Variants in SRI observed in about 807,000 individuals in gnomAD.
SRI encodes 22 kDa protein.
A neutral mutation model predicts 33.3 loss-of-function variants in SRI; 30 were observed. That is an observed-to-expected ratio of 0.90 (90% CI 0.67 to 1.22). The LOEUF is 1.22. Among genes scored for constraint, SRI ranks in the 50% most tolerant of loss-of-function variants. The pLI is 0.00. For synonymous variants in SRI, 75 were observed against 89.9 expected (o/e 0.83, Z 0.94); for missense variants, 243 against 250.8 (o/e 0.97, Z 0.21).
chr7:88,210,403 G>T (rs1443600123), intron 4 of SRI: 1 of 465,256 alleles, frequency 2.1e-6, no homozygotes, highest in Non-Finnish European at 3.9e-6. Context: ...AAGCGGTCTT[G>T]TTACTGGAAC....
At chr7:88,221,174 G>T (rs1441634320), upstream of SRI, among the ~76,000 whole-genome samples, 1 of 152,180 alleles carries the variant, frequency 6.6e-6, no homozygotes, top group East Asian at 1.9e-4. Context: ...CCGCCAATGT[G>T]GTACTGTGCT....
At chr7:88,208,394 T>G (rs1327647544) in intron 7 of SRI, 113 bp downstream of exon 7, 38 of 1,467,894 alleles carry the variant, frequency 2.6e-5, no homozygotes, top group Admixed American at 5.0e-5. Context: ...TTTGAATCCC[T>G]TATGTCTCTG....
At chr7:88,225,119 T>G (rs1463235950) in intron 1 of SRI, among the ~76,000 whole-genome samples, 3 of 152,182 alleles carry the variant, frequency 2.0e-5, no homozygotes, top group Non-Finnish European at 2.9e-5. Context: ...AGTCATCAGC[T>G]CTGTGACAAA....
In SRI at chr7:88,209,411, G is replaced by A. The variant is rs1422720493; in HGVS notation, c.439C>T (p.Arg147Ter). 33 of 1,613,878 alleles carry A rather than the reference G, an allele frequency of 2.0e-5. No individual in the cohort carries two copies. The highest frequency in any genetic ancestry group is 6.7e-5 in the East Asian group (3 of 44,888). ...GTGATCTTTCCATTGGTGCTGTATCGTTTTGCAATTGAATTCACAGCCTGG... is the reference window on the plus strand; with the variant it reads ...GTGATCTTTCCATTGGTGCTGTATCATTTTGCAATTGAATTCACAGCCTGG... ...SPQAVNSIAK[R>*]YSTNGKITFD... The change falls in exon 6 of 8, where the codon CGA becomes TGA. Residue 147 changes from arginine (R) to a stop codon, truncating the protein, a stop_gained. Transcript: ENST00000265729. LOFTEE classifies it high-confidence loss of function.
chr7:88,218,725 AAC>A lies in SRI; in HGVS notation c.135+132_135+133del, dbSNP rs1379151064. 1.0e-5 allele frequency: 8 copies of A among 762,754 alleles called. No homozygotes were observed. In the African/African-American group the frequency reaches 1.4e-4, roughly 14 times the overall value. The allele number at this position is 762,754 out of a possible 1,614,324, so 47.2% of individuals were successfully genotyped here. A position where few individuals can be genotyped will look rare whatever the true frequency, so the allele number is the denominator to read the frequency against. ...TCAGAAATAAAAAACTAAAATAAGA[AAC>A]AACTTTTTTTTTCTTTTGCAGAAGC... On this transcript the variant is annotated intron_variant, in intron 2 of 7. Transcript: ENST00000265729.
chr7:88,218,619 C>A, intron 2 of SRI: 1 of 465,594 alleles, frequency 2.1e-6, no homozygotes, highest in Non-Finnish European at 3.9e-6. Context: ...ATCCTGGACC[C>A]TTTAATTCAA....
chr7:88,222,675 A>G (rs966632704), upstream of SRI, among the ~76,000 whole-genome samples: 76 of 152,258 alleles, frequency 5.0e-4, no homozygotes, highest in African/African-American at 1.4e-3. Flanking sequence ...GAACAGAACA[A>G]AGCCCTCAGA....
intron 1 of SRI, among the ~76,000 whole-genome samples, chr7:88,225,807 T>C (rs1851980942): frequency 6.6e-6 from 1 of 152,308 alleles, no homozygotes; most frequent in Admixed American, 6.5e-5. Flanking sequence ...TTTAAAGCAA[T>C]TGTCTAAAAT....
At chr7:88,215,979 G>C (rs1851701170) in intron 3 of SRI, among the ~76,000 whole-genome samples, 1 of 152,162 alleles carries the variant, frequency 6.6e-6, no homozygotes, top group Non-Finnish European at 1.5e-5. Context: ...CCCCAGTTGG[G>C]ATGCAGCAAT....
chr7:88,210,535 G>A, intron 4 of SRI: 1 of 386,040 alleles, frequency 2.6e-6, no homozygotes, highest in Non-Finnish European at 4.9e-6. Flanking sequence ...GGAATGCACT[G>A]GATAGTCAGC....
intron 7 of SRI, among the ~76,000 whole-genome samples, chr7:88,207,146 C>T (rs1851453994): frequency 6.6e-6 from 1 of 152,180 alleles, no homozygotes. Context: ...ACCCTTGCAG[C>T]TCTATTGCAA....
intron 5 of SRI, among the ~76,000 whole-genome samples, chr7:88,209,706 C>G (rs1335170354): frequency 6.6e-6 from 1 of 150,858 alleles, no homozygotes; most frequent in Non-Finnish European, 1.5e-5. Flanking sequence ...CCTCTGCCTC[C>G]TGTGTTCAAG....
intron 1 of SRI, among the ~76,000 whole-genome samples, chr7:88,226,094 C>A (rs1191004013): frequency 6.6e-6 from 1 of 152,146 alleles, no homozygotes; most frequent in Non-Finnish European, 1.5e-5. Context: ...GGTAGAAAAT[C>A]ACCTGTGTTC....
At chr7:88,206,549 T>A (rs768972220) in intron 7 of SRI, 45 bp from the exon 8 acceptor site, 25 of 1,610,322 alleles carry the variant, frequency 1.6e-5, no homozygotes, top group Non-Finnish European at 2.1e-5. Context: ...AAAGCACTTA[T>A]ACGGCACAGC....
At chr7:88,207,063 C>G (rs1851452383) in intron 7 of SRI, among the ~76,000 whole-genome samples, 2 of 152,096 alleles carry the variant, frequency 1.3e-5, no homozygotes, top group African/African-American at 2.4e-5. Flanking sequence ...ATGTTGGCTT[C>G]CCCGCTAAAC....
chr7:88,217,169 T>G lies in SRI; in HGVS notation c.158A>C (p.Glu53Ala). 6.2e-7 allele frequency: 1 copy of G among 1,612,940 alleles called. No individual in the cohort carries two copies. The highest frequency in any genetic ancestry group is 8.5e-7 in the Non-Finnish European group (1 of 1,179,996). ...AGACTGTGTCAGACATCTCTGCAAT[T>G]CATCAGCATCTATCTGCCCATCCTT... ...AGQDGQIDAD[E>A]LQRCLTQSGI... The change falls in exon 3 of 8, where the codon GAA becomes GCA. Residue 53 changes from glutamate to alanine, a missense_variant. Physicochemically the swap from Glu to Ala is moderately radical, Grantham distance 107. Coordinates refer to ENST00000265729, the MANE Select transcript of SRI (RefSeq NM_003130.4).
At chr7:88,212,335 G>T (rs1851599247) in intron 3 of SRI, among the ~76,000 whole-genome samples, 2 of 152,214 alleles carry the variant, frequency 1.3e-5, no homozygotes, top group South Asian at 4.1e-4. Context: ...GGAGGAGGAA[G>T]CACTTTTTAC....
Position 88,210,873 on chromosome 7 carries a change from A to G in SRI, c.249+9T>C. 6.2e-7 allele frequency: 1 copy of G among 1,612,770 alleles called. No individual in the cohort carries two copies. Reference sequence around the variant, plus strand: ...AATTATTCTAGACAACAATCAAAGTAAAGGATACATCCAGCATTGAAACCA... The same window carrying G: ...AATTATTCTAGACAACAATCAAAGTGAAGGATACATCCAGCATTGAAACCA... On this transcript the variant is annotated intron_variant, in intron 4 of 7. Coordinates refer to ENST00000265729, the MANE Select transcript of SRI (RefSeq NM_003130.4).
chr7:88,208,778 G>A, intron 6 of SRI: 2 of 688,316 alleles, frequency 2.9e-6, no homozygotes, highest in Non-Finnish European at 2.3e-6. Flanking sequence ...TTGGCCAGCT[G>A]TGTTTTTTGT....
Sources: allele counts gnomAD v4.1 joint callset (sites outside exome capture counted in the v4.1 genomes callset), GRCh38; gene constraint gnomAD v4.1.1; transcripts MANE v1.5; gene names NCBI Gene and HGNC (gene_info 2026-07-23, HGNC 2026-07-21).